The following TLK1 variants were observed in gnomAD, a reference collection of about 807,000 sequenced individuals.
The protein encoded by TLK1 is serine/threonine-protein kinase tousled-like 1.
A neutral mutation model predicts 105.3 loss-of-function variants in TLK1; 24 were observed. That is an observed-to-expected ratio of 0.23 (90% CI 0.17 to 0.32). The LOEUF is 0.32. TLK1 is among the 10% of genes least tolerant of loss of function. TLK1 has a pLI of 1.00. For synonymous variants in TLK1, 321 were observed against 310.4 expected (o/e 1.03, Z -0.36); for missense variants, 558 against 910.5 (o/e 0.61, Z 4.98).
At chr2:171,181,827 G>T (rs909806838) in intron 1 of TLK1, among the ~76,000 whole-genome samples, 1 of 151,910 alleles carries the variant, frequency 6.6e-6, no homozygotes, top group Non-Finnish European at 1.5e-5. Context: ...GATTCGAAGG[G>T]GTAGAGCATT....
At chr2:171,005,997 G>T (rs185664674) in intron 18 of TLK1, 150 bp downstream of exon 18, 3 of 667,424 alleles carry the variant, frequency 4.5e-6, no homozygotes, top group Admixed American at 6.4e-5. Flanking sequence ...AATGACCACA[G>T]AAGTCTCCCT....
intron 1 of TLK1, among the ~76,000 whole-genome samples, chr2:171,204,915 TGCACCCCA>T (rs1005090760): frequency 2.7e-5 from 4 of 149,264 alleles, no homozygotes; most frequent in African/African-American, 9.9e-5. Flanking sequence ...AGCGTGCCAC[TGCACCCCA>T]GCCTGGGTGA....
At chr2:171,213,304 T>A (rs968888600) in intron 1 of TLK1, among the ~76,000 whole-genome samples, 2 of 151,310 alleles carry the variant, frequency 1.3e-5, no homozygotes, top group African/African-American at 4.9e-5. Flanking sequence ...TGGGCTCGGG[T>A]GATCCTCCCA....
At chr2:171,094,660 G>A (rs549588701) in intron 2 of TLK1, among the ~76,000 whole-genome samples, 4 of 152,268 alleles carry the variant, frequency 2.6e-5, no homozygotes, top group East Asian at 3.9e-4. Flanking sequence ...CCAGGCTGGA[G>A]TGCAATGGCG....
At chr2:171,119,946 GC>G (rs1243087181) in intron 1 of TLK1, among the ~76,000 whole-genome samples, 1 of 152,026 alleles carries the variant, frequency 6.6e-6, no homozygotes, top group African/African-American at 2.4e-5. Context: ...AAAAGCACAG[GC>G]AACTAAAGAA....
intron 3 of TLK1, among the ~76,000 whole-genome samples, chr2:171,078,557 T>C (rs1688614646): frequency 6.6e-6 from 1 of 151,794 alleles, no homozygotes; most frequent in South Asian, 2.1e-4. Context: ...AAAAAAAATC[T>C]AATGAAATCT....
At chr2:171,122,900 G>A (rs1690711542) in intron 1 of TLK1, among the ~76,000 whole-genome samples, 1 of 151,822 alleles carries the variant, frequency 6.6e-6, no homozygotes, top group Non-Finnish European at 1.5e-5. Flanking sequence ...TTAGCCAGGT[G>A]TGGTGGCGGA....
chr2:171,067,283 C>T (rs1034036633), intron 3 of TLK1, among the ~76,000 whole-genome samples: 3 of 151,596 alleles, frequency 2.0e-5, no homozygotes, highest in Non-Finnish European at 4.4e-5. Context: ...CCTCAGCCTC[C>T]CGAGTAGCTG....
intron 1 of TLK1, among the ~76,000 whole-genome samples, chr2:171,173,262 A>G (rs1334617089): frequency 6.6e-6 from 1 of 152,252 alleles, no homozygotes; most frequent in Admixed American, 6.5e-5. Flanking sequence ...ATAACTAAAA[A>G]GGAAAACACA....
intron 1 of TLK1, among the ~76,000 whole-genome samples, chr2:171,174,720 A>C (rs1286166253): frequency 6.6e-6 from 1 of 152,240 alleles, no homozygotes; most frequent in Non-Finnish European, 1.5e-5. Flanking sequence ...TCACTAAATG[A>C]AAGCTAGTCA....
intron 2 of TLK1, among the ~76,000 whole-genome samples, chr2:171,093,589 C>T: frequency 6.6e-6 from 1 of 151,764 alleles, no homozygotes; most frequent in East Asian, 1.9e-4. Flanking sequence ...AACTGGGCTA[C>T]AGTGGTAAGG....
chr2:171,164,401 T>A (rs1056538991), upstream of TLK1, among the ~76,000 whole-genome samples: 1 of 152,142 alleles, frequency 6.6e-6, no homozygotes, highest in African/African-American at 2.4e-5. Context: ...TCAAAAACAC[T>A]GGAAGTACTC....
intron 1 of TLK1, among the ~76,000 whole-genome samples, chr2:171,166,235 T>C (rs542140531): frequency 6.6e-6 from 1 of 152,376 alleles, no homozygotes; most frequent in East Asian, 1.9e-4. Context: ...TTTCCCCCTC[T>C]TGGCTGAAAG....
chr2:171,013,318 CTTTTTTTTTTTTTTTT>C (rs774923512), intron 13 of TLK1, among the ~76,000 whole-genome samples: 2 of 74,152 alleles, frequency 2.7e-5, no homozygotes, highest in Non-Finnish European at 5.3e-5. Context: ...TGGCCCCTCA[CTTTTTTTTTTTTTTTT>C]TTTTTTTTTT....
chr2:171,176,791 T>G (rs953223756), intron 1 of TLK1, among the ~76,000 whole-genome samples: 2 of 152,116 alleles, frequency 1.3e-5, no homozygotes, highest in African/African-American at 4.8e-5. Flanking sequence ...CTGAGCATTC[T>G]CTGCCTTGCT....
At chr2:171,170,945 A>G (rs897178437) in intron 1 of TLK1, among the ~76,000 whole-genome samples, 1 of 152,248 alleles carries the variant, frequency 6.6e-6, no homozygotes, top group African/African-American at 2.4e-5. Flanking sequence ...AGGCTGGGTC[A>G]AATGGATATC....
rs555160314 is a variant in TLK1, at chr2:171,044,627, A to C, written c.1169+1547T>G. Among the ~76,000 whole-genome samples, 7 of 152,246 alleles carry C rather than the reference A, an allele frequency of 4.6e-5. No homozygotes were observed. The East Asian group carries it at 7.8e-4, about 17-fold the overall frequency. The stretch of plus-strand genomic sequence containing the variant: ...GGATGTATACGGTAACCGAAACCCT[A>C]AGAGTAGATACTACTCAAGGAGAAT... On this transcript the variant is annotated intron_variant, in intron 11 of 20. Coordinates refer to ENST00000431350, the MANE Select transcript of TLK1 (RefSeq NM_012290.5).
intron 2 of TLK1, among the ~76,000 whole-genome samples, chr2:171,092,310 G>A (rs1316926560): frequency 6.6e-6 from 1 of 152,186 alleles, no homozygotes; most frequent in Non-Finnish European, 1.5e-5. Flanking sequence ...ATGTCTTAAA[G>A]AAGACTTGTC....
intron 2 of TLK1, among the ~76,000 whole-genome samples, chr2:171,084,008 T>TAA (rs1396806880): frequency 6.6e-6 from 1 of 152,004 alleles, no homozygotes; most frequent in Non-Finnish European, 1.5e-5. Context: ...TGTATAAAAC[T>TAA]AAATAGTAAA....
Sources: gnomAD v4.1 joint callset for allele counts (sites outside exome capture counted in the v4.1 genomes callset) on GRCh38, gnomAD v4.1.1 for gene constraint, MANE v1.5 for transcripts, NCBI Gene and HGNC (gene_info 2026-07-23, HGNC 2026-07-21) for gene names.